Variants in PSD3 observed in about 807,000 individuals in gnomAD.
PSD3 encodes the protein PH and SEC7 domain-containing protein 3.
In PSD3, 49 loss-of-function variants were observed where a neutral mutation model predicts 105.5. The ratio of observed to expected loss-of-function variants is 0.46; its 90% confidence interval spans 0.37 to 0.59. The LOEUF is 0.59. PSD3 is among the 20% of genes least tolerant of loss of function. The pLI is 0.00. For missense variants in PSD3, 1,561 were observed against 1,263.8 expected, an observed-to-expected ratio of 1.24 and a Z score of -3.57; for synonymous variants, 557 against 457.8, an observed-to-expected ratio of 1.22 and a Z score of -2.77.
intron 4 of PSD3, among the ~76,000 whole-genome samples, chr8:18,851,328 C>G (rs1321849025): frequency 6.6e-6 from 1 of 152,228 alleles, no homozygotes; most frequent in Non-Finnish European, 1.5e-5. Context: ...ACCTTCTACT[C>G]TACCTCCACC....
At chr8:18,791,731 G>A (rs1809735288) in intron 8 of PSD3, among the ~76,000 whole-genome samples, 2 of 152,130 alleles carry the variant, frequency 1.3e-5, no homozygotes, top group Admixed American at 6.6e-5. Context: ...TGACAAACGG[G>A]ATCCAATCAA....
chr8:18,661,087 CG>C (rs758479400), intron 9 of PSD3, among the ~76,000 whole-genome samples: 2 of 152,110 alleles, frequency 1.3e-5, no homozygotes, highest in Non-Finnish European at 2.9e-5. Flanking sequence ...ATTGTGTAAC[CG>C]TGAGTCTCTC....
At chr8:18,611,503 T>C (rs1042271334) in intron 11 of PSD3, among the ~76,000 whole-genome samples, 1 of 152,156 alleles carries the variant, frequency 6.6e-6, no homozygotes, top group Non-Finnish European at 1.5e-5. Context: ...CTTGGACAAG[T>C]CACTTAGCCA....
intron 2 of PSD3, among the ~76,000 whole-genome samples, chr8:18,932,426 A>G (rs549342357): frequency 1.3e-5 from 2 of 152,224 alleles, no homozygotes; most frequent in Non-Finnish European, 2.9e-5. Context: ...AGGACAATTT[A>G]TGAAGTTCTA....
chr8:18,854,870 G>C (rs1276011496), intron 4 of PSD3, among the ~76,000 whole-genome samples: 1 of 152,120 alleles, frequency 6.6e-6, no homozygotes, highest in Admixed American at 6.5e-5. Flanking sequence ...GCTCGTGGAT[G>C]TGAAAATATT....
intron 1 of PSD3, among the ~76,000 whole-genome samples, chr8:19,063,094 G>A (rs925458070): frequency 4.5e-4 from 68 of 152,220 alleles, no homozygotes; most frequent in African/African-American, 1.6e-3. Context: ...GTTTCTAACT[G>A]TTATTTCAAA....
chr8:18,795,092 A>AT (rs1383397159), intron 8 of PSD3, among the ~76,000 whole-genome samples: 5 of 152,236 alleles, frequency 3.3e-5, no homozygotes, highest in East Asian at 1.9e-4. Flanking sequence ...TGAACTCCAC[A>AT]TTTTTTTAAC....
chr8:18,718,094 GC>G (rs553284766), intron 9 of PSD3, among the ~76,000 whole-genome samples: 464 of 152,282 alleles, frequency 3.0e-3, no homozygotes, highest in Non-Finnish European at 5.4e-3. Flanking sequence ...GTTTCACCCT[GC>G]CCTAGTGAGC....
chr8:18,692,033 T>A (rs1801000473), intron 9 of PSD3, among the ~76,000 whole-genome samples: 1 of 152,224 alleles, frequency 6.6e-6, no homozygotes, highest in Non-Finnish European at 1.5e-5. Context: ...ACTTATGAAT[T>A]TCTATCAGTC....
chr8:18,565,785 C>T (rs1258766017), intron 14 of PSD3, among the ~76,000 whole-genome samples: 1 of 152,090 alleles, frequency 6.6e-6, no homozygotes, highest in Non-Finnish European at 1.5e-5. Context: ...CTGGCTAAAG[C>T]AGTGGTTCTC....
intron 9 of PSD3, among the ~76,000 whole-genome samples, chr8:18,687,152 G>T (rs748652092): frequency 6.6e-6 from 1 of 152,116 alleles, no homozygotes; most frequent in South Asian, 2.1e-4. Context: ...CGGCTCTCAC[G>T]TCATTCAACT....
At chr8:18,856,085 T>G (rs1214391562) in intron 4 of PSD3, among the ~76,000 whole-genome samples, 1 of 152,162 alleles carries the variant, frequency 6.6e-6, no homozygotes, top group Non-Finnish European at 1.5e-5. Flanking sequence ...TCTGCCATAG[T>G]TCAGCTCCTT....
intron 9 of PSD3, among the ~76,000 whole-genome samples, chr8:18,755,952 G>A (rs1018561809): frequency 8.6e-5 from 13 of 151,978 alleles, no homozygotes; most frequent in South Asian, 2.1e-4. Context: ...GGGCAGAAGC[G>A]GAAACACGCC....
At chr8:18,680,661 T>C (rs1800332933) in intron 9 of PSD3, among the ~76,000 whole-genome samples, 1 of 151,820 alleles carries the variant, frequency 6.6e-6, no homozygotes, top group African/African-American at 2.4e-5. Context: ...AAAGCCACAC[T>C]CTCTCTAGAG....
intron 9 of PSD3, among the ~76,000 whole-genome samples, chr8:18,685,883 C>T (rs529372448): frequency 1.3e-4 from 20 of 152,234 alleles, no homozygotes; most frequent in Non-Finnish European, 2.4e-4. Flanking sequence ...AAGACATGAG[C>T]GCCTGCCTCT....
intron 9 of PSD3, among the ~76,000 whole-genome samples, chr8:18,752,586 T>TA (rs1554489540): frequency 2.1e-4 from 16 of 78,036 alleles, no homozygotes; most frequent in Non-Finnish European, 3.0e-4. Context: ...ATTATATATA[T>TA]TATATATTAT....
intron 12 of PSD3, among the ~76,000 whole-genome samples, chr8:18,587,289 C>A (rs115556254): frequency 2.0e-5 from 3 of 152,070 alleles, no homozygotes; most frequent in African/African-American, 7.2e-5. Context: ...TAGGTGGCAG[C>A]GGCAATGACC....
intron 1 of PSD3, chr8:19,000,968 A>T (rs1826348703): frequency 2.0e-5 from 3 of 151,896 alleles, no homozygotes; most frequent in Admixed American, 2.0e-4. Flanking sequence ...AGATTTGGGG[A>T]TTCAAAGGTG....
At chr8:18,562,019 AG>A (rs1937083917) in intron 14 of PSD3, among the ~76,000 whole-genome samples, 1 of 152,234 alleles carries the variant, frequency 6.6e-6, no homozygotes, top group African/African-American at 2.4e-5. Context: ...GAAAACTTAA[AG>A]GAAACAATAA....
Sources: allele counts gnomAD v4.1 joint callset (sites outside exome capture counted in the v4.1 genomes callset), GRCh38; gene constraint gnomAD v4.1.1; transcripts MANE v1.5; gene names NCBI Gene and HGNC (gene_info 2026-07-23, HGNC 2026-07-21).